Variants in SORCS2 observed in about 807,000 individuals in gnomAD.
SORCS2 encodes the protein sortilin related VPS10 domain containing receptor 2, also known as VPS10 domain-containing receptor SorCS2.
Under a neutral mutation model 141.6 loss-of-function variants are expected in SORCS2, and 100 were observed. The observed-to-expected ratio is 0.71, with a 90% CI of 0.60 to 0.83. The LOEUF is 0.83. Among genes scored for constraint, SORCS2 ranks in the 40% least tolerant of loss-of-function variants. The pLI, the probability that SORCS2 is intolerant of heterozygous loss-of-function variation, is 0.00. For synonymous variants in SORCS2, 789 were observed against 676.9 expected (o/e 1.17, Z -2.57); for missense variants, 1,646 against 1,560.2 (o/e 1.05, Z -0.93).
At chr4:7,441,507 G>A (rs993011815) in intron 2 of SORCS2, among the ~76,000 whole-genome samples, 5 of 151,970 alleles carry the variant, frequency 3.3e-5, no homozygotes, top group Non-Finnish European at 5.9e-5. Context: ...CAGGGGAGGC[G>A]CAGGCCGGCA....
At chr4:7,638,135 CG>C (rs372788761) in intron 3 of SORCS2, among the ~76,000 whole-genome samples, 192 bp from the exon 4 acceptor site, 4 of 150,110 alleles carry the variant, frequency 2.7e-5, no homozygotes, top group African/African-American at 9.8e-5. Flanking sequence ...GGGCTGGGGG[CG>C]GGCCCGCCAT....
intron 3 of SORCS2, among the ~76,000 whole-genome samples, chr4:7,636,689 T>G (rs1160991472): frequency 6.6e-6 from 1 of 152,054 alleles, no homozygotes; most frequent in Non-Finnish European, 1.5e-5. Context: ...TGGGCCCCTT[T>G]GAAAACCTAA....
intron 2 of SORCS2, among the ~76,000 whole-genome samples, chr4:7,402,458 C>T (rs150424355): frequency 2.3e-4 from 35 of 152,268 alleles, no homozygotes; most frequent in African/African-American, 8.2e-4. Context: ...CATTACTTTG[C>T]CTTTTGAAGT....
At chr4:7,709,707 C>T (rs551488916) in intron 14 of SORCS2, among the ~76,000 whole-genome samples, 6 of 152,180 alleles carry the variant, frequency 3.9e-5, no homozygotes, top group East Asian at 1.9e-4. Flanking sequence ...CTGTCCTTCC[C>T]GGATAACTGT....
intron 2 of SORCS2, among the ~76,000 whole-genome samples, chr4:7,523,613 C>G (rs1173345795): frequency 1.3e-5 from 2 of 152,100 alleles, no homozygotes; most frequent in Non-Finnish European, 2.9e-5. Flanking sequence ...TCCCTCTGCT[C>G]AGTCCACCAT....
At chr4:7,453,754 A>C (rs1462282797) in intron 2 of SORCS2, among the ~76,000 whole-genome samples, 2 of 56,930 alleles carry the variant, frequency 3.5e-5, no homozygotes, top group East Asian at 5.7e-4. Context: ...TGGGGTCAGG[A>C]GCTGTGTGTT....
chr4:7,433,706 G>T (rs766940450), intron 2 of SORCS2: 1 of 1,612,912 alleles, frequency 6.2e-7, no homozygotes, highest in Non-Finnish European at 8.5e-7. Context: ...AAGCTGCCCT[G>T]GTTCTCCGCG....
intron 4 of SORCS2, among the ~76,000 whole-genome samples, chr4:7,641,531 A>T (rs1449715233): frequency 6.6e-6 from 1 of 152,182 alleles, no homozygotes; most frequent in African/African-American, 2.4e-5. Context: ...GAGCCAAACC[A>T]TGTCAGGTAA....
chr4:7,242,384 T>C (rs1712762444), intron 1 of SORCS2, among the ~76,000 whole-genome samples: 1 of 151,946 alleles, frequency 6.6e-6, no homozygotes, highest in Non-Finnish European at 1.5e-5. Flanking sequence ...ATTTTATTTT[T>C]GTAGAGTTGG....
In SORCS2 at chr4:7,742,227, A is replaced by G. The variant is rs1350410265; in HGVS notation, c.*1963A>G. 6.6e-6 allele frequency: 1 copy of G among 152,274 alleles called. No individual in the cohort carries two copies. Among genetic ancestry groups the G allele is most frequent in the Non-Finnish European group, 1.5e-5 (1 of 68,082 alleles). 9.4% of individuals were successfully genotyped at this position (152,274 alleles called of 1,614,324 possible). On this transcript the variant is annotated 3_prime_UTR_variant, in exon 27 of 27. Coordinates refer to ENST00000507866, the MANE Select transcript of SORCS2 (RefSeq NM_020777.3). The stretch of plus-strand genomic sequence containing the variant: ...CCCATTCCCCTGCTTGCAGTCTGCA[A>G]GGACACCTTTGCAGGGATTCTTGTC...
At chr4:7,448,836 TTCCCTCTCTTCC>T (rs1227431000) in intron 2 of SORCS2, among the ~76,000 whole-genome samples, 4 of 2,974 alleles carry the variant, frequency 1.3e-3, no homozygotes, top group African/African-American at 4.8e-3. Context: ...TTTCTCTCTT[TTCCCTCTCTTCC>T]TCCCTCCCTC....
chr4:7,362,362 T>C (rs1277902024), intron 1 of SORCS2, among the ~76,000 whole-genome samples: 1 of 152,134 alleles, frequency 6.6e-6, no homozygotes, highest in Non-Finnish European at 1.5e-5. Flanking sequence ...TCATACCTCT[T>C]CCAGGCAGAT....
At chr4:7,236,269 T>C (rs1471668643) in intron 1 of SORCS2, among the ~76,000 whole-genome samples, 1 of 152,074 alleles carries the variant, frequency 6.6e-6, no homozygotes. Flanking sequence ...GCAGGTGACT[T>C]TTGAGAGATT....
intron 1 of SORCS2, among the ~76,000 whole-genome samples, chr4:7,382,496 C>G (rs1723050654): frequency 6.6e-6 from 1 of 152,112 alleles, no homozygotes; most frequent in African/African-American, 2.4e-5. Context: ...TGCCAGTCCT[C>G]CCTGCCAGGG....
chr4:7,323,431 C>T (rs1719032841), intron 1 of SORCS2, among the ~76,000 whole-genome samples: 1 of 152,158 alleles, frequency 6.6e-6, no homozygotes, highest in Non-Finnish European at 1.5e-5. Context: ...CACAGTAATG[C>T]CCTGCTGGCC....
At chr4:7,402,556 A>T (rs9994168) in intron 2 of SORCS2, among the ~76,000 whole-genome samples, 94,223 of 152,002 alleles carry the variant, frequency 0.62, 29,459 homozygotes, top group Middle Eastern at 0.66. Flanking sequence ...GCTGTGGGAG[A>T]GCTAGGATTT....
chr4:7,628,921 G>A (rs1719695238), intron 3 of SORCS2, among the ~76,000 whole-genome samples: 1 of 152,198 alleles, frequency 6.6e-6, no homozygotes, highest in African/African-American at 2.4e-5. Flanking sequence ...GATGTTTTCA[G>A]AGAGGCTTAA....
intron 3 of SORCS2, among the ~76,000 whole-genome samples, chr4:7,560,276 G>A (rs914483401): frequency 8.5e-5 from 13 of 152,216 alleles, no homozygotes; most frequent in African/African-American, 2.7e-4. Flanking sequence ...CTCCTAAAAA[G>A]AGCCTCAGAG....
At chr4:7,628,893 G>A (rs915182908) in intron 3 of SORCS2, among the ~76,000 whole-genome samples, 1 of 152,136 alleles carries the variant, frequency 6.6e-6, no homozygotes, top group African/African-American at 2.4e-5. Context: ...GCCACAATAA[G>A]AAATAATAAT....
Sources: gnomAD v4.1 joint callset for allele counts (sites outside exome capture counted in the v4.1 genomes callset) on GRCh38, gnomAD v4.1.1 for gene constraint, MANE v1.5 for transcripts, NCBI Gene and HGNC (gene_info 2026-07-23, HGNC 2026-07-21) for gene names.